Variants in SLC35B3 observed in about 807,000 individuals in gnomAD.
The protein encoded by SLC35B3 is adenosine 3'-phospho 5'-phosphosulfate transporter 2.
A neutral mutation model predicts 44.1 loss-of-function variants in SLC35B3; 35 were observed. The observed-to-expected ratio is 0.79, with a 90% CI of 0.61 to 1.05. The LOEUF is 1.05. Ranked by LOEUF, SLC35B3 falls within the 50% of genes least tolerant of loss-of-function variation. SLC35B3 has a pLI of 0.00. For synonymous variants in SLC35B3, 146 were observed against 167.3 expected, an observed-to-expected ratio of 0.87 and a Z score of 0.98; for missense variants, 414 against 476.4, an observed-to-expected ratio of 0.87 and a Z score of 1.22.
rs1205893389 is a variant in SLC35B3, at chr6:8,435,494, TC to T, written c.-196del. 4.5e-6 allele frequency: 4 copies of T among 898,330 alleles called. No homozygotes were observed. In the African/African-American group the frequency reaches 7.0e-5, roughly 16 times the overall value. 55.6% of individuals were successfully genotyped at this position (898,330 alleles called of 1,614,324 possible). A position where few individuals can be genotyped will look rare whatever the true frequency, so the allele number is the denominator to read the frequency against. ...TGCACTTTCCACCGCGGCGGTCGCC[TC>T]CCCGGAAAGCACTCTCAACTCCGGC... On this transcript the variant is annotated 5_prime_UTR_variant, in exon 1 of 11. Transcript: ENST00000644923. The surrounding 1 kb of genome is among the most constrained non-coding windows in gnomAD (Gnocchi z 5.5).
At chr6:8,422,761 A>G in intron 4 of SLC35B3, 137 bp from the exon 4 acceptor site, 1 of 673,986 alleles carries the variant, frequency 1.5e-6, no homozygotes, top group Non-Finnish European at 2.4e-6. Context: ...AGTAAAAAAT[A>G]TCACTATTTA....
intron 4 of SLC35B3, among the ~76,000 whole-genome samples, chr6:8,422,967 A>G (rs1363827786): frequency 6.6e-6 from 1 of 151,708 alleles, no homozygotes. Flanking sequence ...TAACCATCTT[A>G]AGTTAGAGAA....
chr6:8,424,607 A>T (rs1763247104), intron 4 of SLC35B3, among the ~76,000 whole-genome samples: 1 of 152,108 alleles, frequency 6.6e-6, no homozygotes, highest in South Asian at 2.1e-4. Flanking sequence ...AAATCTGAGC[A>T]CTCTCCTTAA....
Position 8,434,771 on chromosome 6 carries a change from T to A in SLC35B3, c.-43-341A>T, listed in dbSNP as rs1764325757. ...AAGATTTTGTTAGCGCACCAAATCA[T>A]TCCATCTTTTACTTTCAATATTCCT... On this transcript the variant is annotated intron_variant, in intron 1 of 10. Transcript: ENST00000644923. This position sits in a 1 kb window ranked among gnomAD's most constrained non-coding sequence, Gnocchi z 6.3. 6.6e-6 allele frequency among the ~76,000 whole-genome samples: 1 copy of A among 152,186 alleles called. No individual in the cohort carries two copies. The highest frequency in any genetic ancestry group is 1.5e-5 in the Non-Finnish European group (1 of 68,038).
Position 8,417,414 on chromosome 6 carries a change from T to C in SLC35B3, c.861A>G (p.Thr287=), listed in dbSNP as rs993664040. 1 of 1,589,700 alleles carries C rather than the reference T, an allele frequency of 6.3e-7. No homozygotes were observed. Residue 287 remains threonine, a synonymous_variant, in exon 8 of 11, where the codon ACA becomes ACG. Transcript: ENST00000644923. ...GATTAGTGTTTACCTTTGCACAAAA[T>C]GTTACTGCAGGGCCTAATCCACTAG...
chr6:8,428,469 C>T (rs1257140898), intron 3 of SLC35B3, among the ~76,000 whole-genome samples: 1 of 152,040 alleles, frequency 6.6e-6, no homozygotes, highest in East Asian at 1.9e-4. Flanking sequence ...CTATAAAAAA[C>T]ACTTCATTAC....
rs377432631 is a variant in SLC35B3, at chr6:8,423,147, C to G, written c.420-523G>C. 1.6e-3 allele frequency among the ~76,000 whole-genome samples: 246 copies of G among 152,228 alleles called. 11 individuals carry two copies. The South Asian group carries it at 0.048, about 30-fold the overall frequency. ...GGACTACAGGTGTGCGCCACCATGCCCAGCTAATGTTGGCCTCCATAATGG... is the reference window on the plus strand; with the variant it reads ...GGACTACAGGTGTGCGCCACCATGCGCAGCTAATGTTGGCCTCCATAATGG... On this transcript the variant is annotated intron_variant, in intron 4 of 10. Coordinates refer to ENST00000644923, the MANE Select transcript of SLC35B3 (RefSeq NM_001370476.2).
At position 8,433,181 on chromosome 6, in the gene SLC35B3, T is replaced by C. The variant is rs1330909252; in HGVS notation, c.3+1204A>G. Among the ~76,000 whole-genome samples the C allele has an allele frequency of 1.3e-5, 2 of 152,192 alleles. No individual in the cohort carries two copies. The highest frequency in any genetic ancestry group is 2.9e-5 in the Non-Finnish European group (2 of 68,034). On this transcript the variant is annotated intron_variant, in intron 2 of 10. Coordinates refer to ENST00000644923, the MANE Select transcript of SLC35B3 (RefSeq NM_001370476.2). The surrounding 1 kb of genome is among the most constrained non-coding windows in gnomAD (Gnocchi z 4.1). ...CATCAGGCAGCCATTTTCTCTTGCCTAGATTACGAGACTGTTTATAATCAA... is the reference window on the plus strand; with the variant it reads ...CATCAGGCAGCCATTTTCTCTTGCCCAGATTACGAGACTGTTTATAATCAA...
In SLC35B3 at chr6:8,435,460, G is replaced by A; in HGVS notation, c.-161C>T. On this transcript the variant is annotated 5_prime_UTR_variant, in exon 1 of 11. Coordinates refer to ENST00000644923, the MANE Select transcript of SLC35B3 (RefSeq NM_001370476.2). This position sits in a 1 kb window ranked among gnomAD's most constrained non-coding sequence, Gnocchi z 5.5. ...TCACCTCCTCTTCCTCCTCCTCCTC[G>A]CCCACTCCTGCACTTTCCACCGCGG... is the stretch of plus-strand genomic sequence containing the variant. 2 of 1,139,196 alleles carry A rather than the reference G, an allele frequency of 1.8e-6. No individual in the cohort carries two copies. The highest frequency in any genetic ancestry group is 1.6e-5 in the African/African-American group (1 of 62,780). The allele number at this position is 1,139,196 out of a possible 1,614,324, so 70.6% of individuals were successfully genotyped here.
Position 8,412,816 on chromosome 6 carries a change from A to G in SLC35B3, c.*733T>C, listed in dbSNP as rs971201390. 6.6e-6 allele frequency among the ~76,000 whole-genome samples: 1 copy of G among 152,142 alleles called. No individual in the cohort carries two copies. Among genetic ancestry groups the G allele is most frequent in the Non-Finnish European group, 1.5e-5 (1 of 68,024 alleles). ...TAACAGGGTTCCCGCTGCTATGAGA[A>G]TCTAACGCTGCTGCTGATCTGACAG... On this transcript the variant is annotated 3_prime_UTR_variant, in exon 11 of 11. Transcript: ENST00000644923.
chr6:8,415,423 C>G (rs1762332110), intron 9 of SLC35B3, among the ~76,000 whole-genome samples: 1 of 152,158 alleles, frequency 6.6e-6, no homozygotes, highest in Non-Finnish European at 1.5e-5. Flanking sequence ...CTTCTTTACG[C>G]AACTGTATTA....
At chr6:8,429,003 C>A (rs1763706036) in intron 3 of SLC35B3, among the ~76,000 whole-genome samples, 1 of 152,106 alleles carries the variant, frequency 6.6e-6, no homozygotes, top group East Asian at 1.9e-4. Context: ...CTCTACAAGA[C>A]AATGAAAAAG....
Position 8,411,942 on chromosome 6 carries a change from T to G in SLC35B3, c.*1607A>C, listed in dbSNP as rs1762075963. On this transcript the variant is annotated 3_prime_UTR_variant, in exon 11 of 11. Transcript: ENST00000644923. ...AGTGCCCAAATCTTTGAATTTAGAC[T>G]CAAAACTATGCATGCAACATTCCTA... Among the ~76,000 whole-genome samples the G allele has an allele frequency of 6.6e-6, 1 of 152,176 alleles. No individual in the cohort carries two copies. The highest frequency in any genetic ancestry group is 2.4e-5 in the African/African-American group (1 of 41,442).
chr6:8,426,328 A>G (rs1349838546), intron 4 of SLC35B3, among the ~76,000 whole-genome samples: 1 of 152,184 alleles, frequency 6.6e-6, no homozygotes, highest in South Asian at 2.1e-4. Context: ...AGGTAATTTT[A>G]TAGAACATTT....
chr6:8,421,854 T>G (rs1762919138), intron 5 of SLC35B3, among the ~76,000 whole-genome samples: 1 of 152,232 alleles, frequency 6.6e-6, no homozygotes, highest in South Asian at 2.1e-4. Flanking sequence ...TTCCACGTAC[T>G]TTTGAACTAG....
rs553411782 is a variant in SLC35B3 at position 8,435,541 on chromosome 6, T to G, written c.-242A>C. On this transcript the variant is annotated 5_prime_UTR_variant, in exon 1 of 11. Coordinates refer to ENST00000644923, the MANE Select transcript of SLC35B3 (RefSeq NM_001370476.2). The surrounding 1 kb of genome is among the most constrained non-coding windows in gnomAD (Gnocchi z 5.5). The stretch of plus-strand genomic sequence containing the variant: ...CCGGCGCCCGCAGGCCACTTCCGCC[T>G]ATGTGTCCCTGCGCGCGTGCGCAGA... 2.3e-6 allele frequency: 1 copy of G among 435,134 alleles called. No homozygotes were observed. Among genetic ancestry groups the G allele is most frequent in the African/African-American group, 2.1e-5 (1 of 48,566 alleles). The allele number at this position is 435,134 out of a possible 1,614,324, so 27.0% of individuals were successfully genotyped here. A position where few individuals can be genotyped will look rare whatever the true frequency, so the allele number is the denominator to read the frequency against.
rs1762108712 is a variant in SLC35B3 at position 8,413,032 on chromosome 6, ATT to A, written c.*515_*516del. The A allele has an allele frequency of 6.6e-6, 1 of 152,252 alleles. No individual in the cohort carries two copies. The highest frequency in any genetic ancestry group is 1.5e-5 in the Non-Finnish European group (1 of 68,060). The allele number at this position is 152,252 out of a possible 1,614,324, so 9.4% of individuals were successfully genotyped here. ...CATGTTAAGCCTTACTCCAACTTCC[ATT>A]TCTCTCTTTATAACAAAATTCTATT... is the stretch of plus-strand genomic sequence containing the variant. On this transcript the variant is annotated 3_prime_UTR_variant, in exon 11 of 11. Coordinates refer to ENST00000644923, the MANE Select transcript of SLC35B3 (RefSeq NM_001370476.2).
Position 8,435,197 on chromosome 6 carries a change from A to G in SLC35B3, c.-44+146T>C, listed in dbSNP as rs1764368343. ...CCCGGCCGGTTTCCGCTCTTTCAAA[A>G]AAGGGAATCACCCGTTTCTTCCATC... On this transcript the variant is annotated intron_variant, in intron 1 of 10. Transcript: ENST00000644923. The surrounding 1 kb of genome is among the most constrained non-coding windows in gnomAD (Gnocchi z 5.5). 2.3e-6 allele frequency: 3 copies of G among 1,288,680 alleles called. No homozygotes were observed. Among genetic ancestry groups the G allele is most frequent in the Non-Finnish European group, 3.0e-6 (3 of 988,720 alleles). The allele number at this position is 1,288,680 out of a possible 1,614,324, so 79.8% of individuals were successfully genotyped here.
intron 9 of SLC35B3, 25 bp from the exon 9 acceptor site, chr6:8,415,002 G>C (rs1316490895): frequency 1.4e-6 from 2 of 1,467,624 alleles, no homozygotes; most frequent in East Asian, 2.3e-5. Flanking sequence ...AATTAGTTTA[G>C]AATGTGCCTA....
Sources: gnomAD v4.1 joint callset for allele counts (sites outside exome capture counted in the v4.1 genomes callset) on GRCh38, gnomAD v4.1.1 for gene constraint, Gnocchi (gnomAD v3.1) non-coding constraint, MANE v1.5 for transcripts, NCBI Gene and HGNC (gene_info 2026-07-23, HGNC 2026-07-21) for gene names.